ODAD3: variants seen among roughly 807,000 people sequenced by gnomAD.
ODAD3 encodes the protein outer dynein arm docking complex subunit 3.
In ODAD3, 57 loss-of-function variants were observed where a neutral mutation model predicts 70.9. The ratio of observed to expected loss-of-function variants is 0.80; its 90% CI spans 0.65 to 1.00. The LOEUF is 1.00. ODAD3 is among the 50% of genes least tolerant of loss of function. The pLI is 0.00. For missense variants in ODAD3, 797 were observed against 763.9 expected, an observed-to-expected ratio of 1.04 and a Z score of -0.51; for synonymous variants, 327 against 315.9, an observed-to-expected ratio of 1.04 and a Z score of -0.37.
intron 1 of ODAD3, chr19:11,434,552 T>C: frequency 3.2e-6 from 1 of 316,620 alleles, no homozygotes; most frequent in Non-Finnish European, 5.3e-6. Context: ...AAAAAAAAAA[T>C]AGAGAAAATA....
chr19:11,427,488 T>C (rs1364873386), intron 3 of ODAD3, among the ~76,000 whole-genome samples: 21 of 148,312 alleles, frequency 1.4e-4, no homozygotes, highest in Admixed American at 8.0e-4. Flanking sequence ...CTTTTCTTTT[T>C]TTTTTTTTTT....
intron 11 of ODAD3, 24 bp from the exon 12 acceptor site, chr19:11,421,236 G>T (rs757931277): frequency 6.2e-7 from 1 of 1,604,590 alleles, no homozygotes; most frequent in South Asian, 1.1e-5. Context: ...GGAAGCGAGA[G>T]AGGAAGGTGG....
At position 11,430,384 on chromosome 19, in the gene ODAD3, C is replaced by T. The variant is rs561880053; in HGVS notation, c.444+315G>A. Among the ~76,000 whole-genome samples the T allele has an allele frequency of 1.2e-3, 185 of 151,636 alleles. 1 individual carries two copies. The highest frequency in any genetic ancestry group is 2.1e-3 in the South Asian group (10 of 4,790). On this transcript the variant is annotated intron_variant, in intron 3 of 12. Coordinates refer to ENST00000356392, the MANE Select transcript of ODAD3 (RefSeq NM_145045.5). ...AACTCCCGACTTCAGGTCATCTGCC[C>T]GCCTTGGCCTCCCAAAGTGCTGTGA... is the stretch of plus-strand genomic sequence containing the variant.
At chr19:11,421,531 C>A in intron 11 of ODAD3, 146 bp downstream of exon 11, 5 of 1,123,898 alleles carry the variant, frequency 4.4e-6, no homozygotes, top group Non-Finnish European at 5.1e-6. Flanking sequence ...ACCCCTGGCT[C>A]GTCAAACCTC....
Position 11,434,955 on chromosome 19 carries a change from G to C in ODAD3, c.62C>G (p.Ser21Trp). 3.1e-6 allele frequency: 5 copies of C among 1,613,824 alleles called. No individual in the cohort carries two copies. The highest frequency in any genetic ancestry group is 4.2e-6 in the Non-Finnish European group (5 of 1,180,040). The change falls in exon 1 of 13, where the codon TCG (serine) becomes TGG (tryptophan). Residue 21 changes from serine (S) to tryptophan (W), a missense_variant. Coordinates refer to ENST00000356392, the MANE Select transcript of ODAD3 (RefSeq NM_145045.5). ...GCCCTTGACCCTGGAAGAGGGCGTC[G>C]AAGCCTGGTCCTGAGGAGGCAGGGC... Reference protein sequence around the residue: ...ANALPPQDQASTPSSRVKGRE... With the variant: ...ANALPPQDQAWTPSSRVKGRE...
intron 7 of ODAD3, among the ~76,000 whole-genome samples, chr19:11,425,672 C>CA (rs145628052): frequency 0.092 from 11,746 of 127,896 alleles, 1,662 homozygotes; most frequent in African/African-American, 0.28. Context: ...TATATATATG[C>CA]AAAAAAAACC....
At position 11,426,579 on chromosome 19, in the gene ODAD3, G is replaced by A. The variant is rs753765891; in HGVS notation, c.715-8C>T. 6.2e-6 allele frequency: 10 copies of A among 1,613,982 alleles called. No homozygotes were observed. The highest frequency in any genetic ancestry group is 2.2e-5 in the South Asian group (2 of 91,072). Reference sequence around the variant, plus strand: ...CAAGTTGAGGCTCTCGTCCTGGGGCGTGGTGGGGAGGGGTAGCGGAGATGG... The same window carrying A: ...CAAGTTGAGGCTCTCGTCCTGGGGCATGGTGGGGAGGGGTAGCGGAGATGG... On this transcript the variant is annotated splice_region_variant and splice_polypyrimidine_tract_variant and intron_variant, in intron 5 of 12. Coordinates refer to ENST00000356392, the MANE Select transcript of ODAD3 (RefSeq NM_145045.5).
intron 1 of ODAD3, 185 bp from the exon 2 acceptor site, chr19:11,431,205 G>A (rs1000584228): frequency 2.1e-5 from 14 of 652,784 alleles, no homozygotes; most frequent in South Asian, 1.2e-4. Flanking sequence ...TCCGCCTCCC[G>A]GGTTCAAGAG....
At chr19:11,430,877 C>T in intron 2 of ODAD3, 22 bp downstream of exon 2, 1 of 1,613,964 alleles carries the variant, frequency 6.2e-7, no homozygotes, top group Non-Finnish European at 8.5e-7. Context: ...GGGAACCCTA[C>T]ACCCACCCCT....
At position 11,434,787 on chromosome 19, in the gene ODAD3, T is replaced by G. The variant is rs1377707760; in HGVS notation, c.230A>C (p.Lys77Thr). 9 of 1,613,194 alleles carry G rather than the reference T, an allele frequency of 5.6e-6. No individual in the cohort carries two copies. The highest frequency in any genetic ancestry group is 1.3e-5 in the African/African-American group (1 of 75,026). ...AGCCATCTTACCTAACAGTTGTATC[T>G]TTTTATGTAACTCAGCCACCTGAGA... ...VHSQVAELHK[K>T]IQLLEGDRKA... The change falls in exon 1 of 13, where the codon AAG (lysine) becomes ACG (threonine). Residue 77 changes from lysine (K) to threonine (T), a missense_variant. Transcript: ENST00000356392.
chr19:11,425,660 T>TACGCATATATGCATATATGCATATAC (rs1969351051), intron 7 of ODAD3, among the ~76,000 whole-genome samples: 2 of 131,950 alleles, frequency 1.5e-5, no homozygotes, highest in African/African-American at 7.6e-5. Context: ...CGTATATATA[T>TACGCATATATGCATATATGCATATAC]ATATATATAT....
chr19:11,427,127 T>G, intron 3 of ODAD3, 87 bp from the exon 4 acceptor site: 1 of 1,401,254 alleles, frequency 7.1e-7, no homozygotes, highest in Non-Finnish European at 9.4e-7. Context: ...TCTCCCACAC[T>G]GTGGCTTCCA....
In ODAD3 at chr19:11,427,016, G is replaced by T. The variant is rs1969394417; in HGVS notation, c.469C>A (p.Leu157Met). The change falls in exon 4 of 13, where the codon CTG becomes ATG. Residue 157 changes from leucine to methionine, a missense_variant. Leu to Met is a conservative substitution (Grantham distance 15). Transcript: ENST00000356392. The stretch of plus-strand genomic sequence containing the variant: ...TTCTGCTGCTTCACCTTCTCCCTCA[G>T]CCGGTGGTCTAGGTGCTCCAGGGCC... ...GQALEHLDHR[L>M]REKVKQQNAL... is the part of the protein sequence containing the mutation. 5.6e-6 allele frequency: 9 copies of T among 1,597,684 alleles called. No homozygotes were observed. Among genetic ancestry groups the T allele is most frequent in the Non-Finnish European group, 6.8e-6 (8 of 1,177,550 alleles).
rs1229778714 is a variant in ODAD3 at position 11,426,868 on chromosome 19, C to T, written c.612+5G>A. ...CTCTGCCCTGCAGGCCTCACCCGCC[C>T]CTACCTTGGCCACCTCCGTGTGTCT... On this transcript the variant is annotated splice_donor_5th_base_variant and intron_variant, in intron 4 of 12. Transcript: ENST00000356392. 1 of 1,609,892 alleles carries T rather than the reference C, an allele frequency of 6.2e-7. No individual in the cohort carries two copies. Among genetic ancestry groups the T allele is most frequent in the Non-Finnish European group, 8.5e-7 (1 of 1,177,470 alleles).
chr19:11,421,636 C>T (rs1450711318), intron 11 of ODAD3, 41 bp downstream of exon 11: 8 of 1,588,360 alleles, frequency 5.0e-6, no homozygotes, highest in Non-Finnish European at 6.9e-6. Context: ...CCCAGCCCTA[C>T]TCCTAGATCT....
Position 11,425,644 on chromosome 19 carries a change from T to TATACGCATATACGC in ODAD3, c.963+499_963+500insGCGTATATGCGTAT, listed in dbSNP as rs1969348596. Among the ~76,000 whole-genome samples, 5 of 132,056 alleles carry TATACGCATATACGC rather than the reference T, an allele frequency of 3.8e-5. 1 individual carries two copies. Among genetic ancestry groups the TATACGCATATACGC allele is most frequent in the African/African-American group, 1.9e-4 (5 of 26,926 alleles). 86.6% of individuals were successfully genotyped at this position (132,056 alleles called of 152,430 possible). On this transcript the variant is annotated intron_variant, in intron 7 of 12. Coordinates refer to ENST00000356392, the MANE Select transcript of ODAD3 (RefSeq NM_145045.5). ...ATATATGCATATATGTATATATATG[T>TATACGCATATACGC]ATATACGTATATATATATATATATA...
At position 11,422,694 on chromosome 19, in the gene ODAD3, G is replaced by A. The variant is rs1359518381; in HGVS notation, c.1277+7C>T. On this transcript the variant is annotated splice_region_variant and intron_variant, in intron 9 of 12. Coordinates refer to ENST00000356392, the MANE Select transcript of ODAD3 (RefSeq NM_145045.5). The surrounding 1 kb of genome is among the most constrained non-coding windows in gnomAD (Gnocchi z 4.6). ...CCGCCGCCCTCCCCAGAGCCCCGGT[G>A]CCTCACCTCACCAGCGTGGCCTCCC... The A allele has an allele frequency of 2.5e-6, 4 of 1,611,638 alleles. No homozygotes were observed. In the African/African-American group the frequency reaches 5.3e-5, roughly 22 times the overall value.
In ODAD3 at chr19:11,426,869, C is replaced by G; in HGVS notation, c.612+4G>C. The G allele has an allele frequency of 6.2e-7, 1 of 1,609,924 alleles. No homozygotes were observed. Among genetic ancestry groups the G allele is most frequent in the South Asian group, 1.1e-5 (1 of 90,868 alleles). On this transcript the variant is annotated splice_donor_region_variant and intron_variant, in intron 4 of 12. Coordinates refer to ENST00000356392, the MANE Select transcript of ODAD3 (RefSeq NM_145045.5). ...TCTGCCCTGCAGGCCTCACCCGCCC[C>G]TACCTTGGCCACCTCCGTGTGTCTG...
intron 3 of ODAD3, among the ~76,000 whole-genome samples, chr19:11,429,316 G>A (rs143883707): frequency 9.3e-4 from 141 of 151,274 alleles, no homozygotes; most frequent in African/African-American, 3.3e-3. Flanking sequence ...GGTTCAAACT[G>A]TTCTCCTGCC....
Sources: gnomAD v4.1 joint callset for allele counts (sites outside exome capture counted in the v4.1 genomes callset) on GRCh38, gnomAD v4.1.1 for gene constraint, Gnocchi (gnomAD v3.1) non-coding constraint, MANE v1.5 for transcripts, NCBI Gene and HGNC (gene_info 2026-07-23, HGNC 2026-07-21) for gene names.